Variants in XPR1 observed in about 807,000 individuals in gnomAD.
XPR1 encodes the protein solute carrier family 53 member 1.
XPR1 carries 28 observed loss-of-function variants against 87.5 expected under a neutral mutation model. That is an observed-to-expected ratio of 0.32 (90% CI 0.24 to 0.44). XPR1 has a LOEUF of 0.44. XPR1 is among the 20% of genes least tolerant of loss of function. The pLI is 1.00. For synonymous variants in XPR1, 300 were observed against 306.1 expected, an observed-to-expected ratio of 0.98 and a Z score of 0.21; for missense variants, 559 against 862.3, an observed-to-expected ratio of 0.65 and a Z score of 4.41.
chr1:180,722,032 G>A (rs972341633), intron 2 of XPR1, among the ~76,000 whole-genome samples: 4 of 152,092 alleles, frequency 2.6e-5, no homozygotes, highest in Non-Finnish European at 4.4e-5. Flanking sequence ...AGAGGCTGAG[G>A]TTGGCGAATT....
chr1:180,846,186 C>T (rs1337594625), intron 11 of XPR1, among the ~76,000 whole-genome samples: 1 of 149,942 alleles, frequency 6.7e-6, no homozygotes, highest in Non-Finnish European at 1.5e-5. Context: ...CGCTTGAACC[C>T]AGGAGGCGGA....
chr1:180,723,679 C>T (rs12408176), intron 2 of XPR1, among the ~76,000 whole-genome samples: 38,369 of 151,982 alleles, frequency 0.25, 4,911 homozygotes, highest in Middle Eastern at 0.29. Flanking sequence ...TTCAACTCTT[C>T]TGGAACCTCC....
At chr1:180,830,618 T>G (rs988910589) in intron 9 of XPR1, among the ~76,000 whole-genome samples, 1 of 152,190 alleles carries the variant, frequency 6.6e-6, no homozygotes, top group Non-Finnish European at 1.5e-5. Flanking sequence ...AGCTAGAGAT[T>G]AGATTCATTT....
chr1:180,709,747 A>T (rs1249463977), intron 2 of XPR1, among the ~76,000 whole-genome samples: 1 of 152,078 alleles, frequency 6.6e-6, no homozygotes, highest in African/African-American at 2.4e-5. Flanking sequence ...TTGTGTTTTT[A>T]ATTTACATTT....
chr1:180,647,980 A>G lies in XPR1; in HGVS notation c.69+15710A>G, dbSNP rs549611185. Among the ~76,000 whole-genome samples the G allele has an allele frequency of 1.1e-4, 16 of 151,568 alleles. No homozygotes were observed. The South Asian group carries it at 3.3e-3, about 32-fold the overall frequency. On this transcript the variant is annotated intron_variant, in intron 1 of 14. Coordinates refer to ENST00000367590, the MANE Select transcript of XPR1 (RefSeq NM_004736.4). The stretch of plus-strand genomic sequence containing the variant: ...TGCAGTGTAGGTGTTCTATATCTGC[A>G]TTGTCCAATATGTGGCCACTAGTCA...
intron 2 of XPR1, among the ~76,000 whole-genome samples, chr1:180,684,350 T>C (rs552921737): frequency 6.6e-6 from 1 of 152,092 alleles, no homozygotes; most frequent in Non-Finnish European, 1.5e-5. Flanking sequence ...ACCAGTACCA[T>C]GCTGTTTTGG....
chr1:180,876,181 C>G (rs1015901416), intron 13 of XPR1, among the ~76,000 whole-genome samples: 1 of 152,136 alleles, frequency 6.6e-6, no homozygotes, highest in Non-Finnish European at 1.5e-5. Context: ...GCCAGCATAA[C>G]TTTGATATAT....
At chr1:180,710,108 G>A (rs1054056316) in intron 2 of XPR1, among the ~76,000 whole-genome samples, 1 of 151,516 alleles carries the variant, frequency 6.6e-6, no homozygotes. Context: ...TGGCCAGGCT[G>A]GTCTCGAACT....
intron 1 of XPR1, among the ~76,000 whole-genome samples, chr1:180,636,412 T>C (rs1345427777): frequency 6.6e-6 from 1 of 152,252 alleles, no homozygotes; most frequent in Admixed American, 6.5e-5. Flanking sequence ...CAAATGTTTC[T>C]TAAGTGAGTG....
At chr1:180,644,115 G>T (rs1338510826) in intron 1 of XPR1, among the ~76,000 whole-genome samples, 1 of 152,150 alleles carries the variant, frequency 6.6e-6, no homozygotes, top group Non-Finnish European at 1.5e-5. Context: ...AACGAGAAAT[G>T]TACCTAATGT....
At chr1:180,750,694 T>A (rs1433726193) in intron 2 of XPR1, among the ~76,000 whole-genome samples, 1 of 152,088 alleles carries the variant, frequency 6.6e-6, no homozygotes, top group African/African-American at 2.4e-5. Context: ...TTGATTTTTT[T>A]ATTTTCAAAA....
chr1:180,812,835 AG>A (rs1407781598), intron 7 of XPR1, among the ~76,000 whole-genome samples: 8 of 152,030 alleles, frequency 5.3e-5, no homozygotes, highest in African/African-American at 1.9e-4. Context: ...TTTTTAGTAG[AG>A]ATGAGGTTTC....
chr1:180,753,567 A>G (rs1010981295), intron 2 of XPR1, among the ~76,000 whole-genome samples: 1 of 152,066 alleles, frequency 6.6e-6, no homozygotes, highest in Admixed American at 6.6e-5. Flanking sequence ...AAAAAAAAAA[A>G]AAGCAGTGCT....
intron 2 of XPR1, among the ~76,000 whole-genome samples, chr1:180,787,051 C>T (rs956027626): frequency 1.3e-5 from 2 of 152,128 alleles, no homozygotes; most frequent in Admixed American, 6.6e-5. Flanking sequence ...CATACCTTTG[C>T]TTTGCATTTT....
intron 2 of XPR1, among the ~76,000 whole-genome samples, chr1:180,716,868 T>A (rs1204045618): frequency 6.6e-6 from 1 of 152,232 alleles, no homozygotes; most frequent in Non-Finnish European, 1.5e-5. Flanking sequence ...GGCCTCCAGG[T>A]CCTCCTTCTT....
chr1:180,661,281 TA>T (rs202100109), intron 1 of XPR1, among the ~76,000 whole-genome samples: 4 of 150,938 alleles, frequency 2.7e-5, no homozygotes, highest in East Asian at 1.9e-4. Context: ...CAGATCTTGT[TA>T]AAAAAAAACA....
At chr1:180,685,031 G>A (rs558775771) in intron 2 of XPR1, among the ~76,000 whole-genome samples, 1 of 152,010 alleles carries the variant, frequency 6.6e-6, no homozygotes, top group Non-Finnish European at 1.5e-5. Flanking sequence ...TGTTGAATAG[G>A]AGCGGTGAGA....
At chr1:180,660,056 T>A (rs1329314983) in intron 1 of XPR1, among the ~76,000 whole-genome samples, 1 of 152,174 alleles carries the variant, frequency 6.6e-6, no homozygotes, top group Non-Finnish European at 1.5e-5. Flanking sequence ...TTGTTATTGG[T>A]CTGTTCAGGT....
chr1:180,756,187 G>A (rs1045326339), intron 2 of XPR1, among the ~76,000 whole-genome samples: 4 of 152,198 alleles, frequency 2.6e-5, no homozygotes, highest in African/African-American at 9.6e-5. Context: ...GGAATCATCA[G>A]ACAAACCTGA....
Sources: allele counts gnomAD v4.1 joint callset (sites outside exome capture counted in the v4.1 genomes callset), GRCh38; gene constraint gnomAD v4.1.1; transcripts MANE v1.5; gene names NCBI Gene and HGNC (gene_info 2026-07-23, HGNC 2026-07-21).